Variants in RBM15 observed in about 807,000 individuals in gnomAD.
RBM15 encodes the protein RNA-binding protein 15.
A neutral mutation model predicts 62.6 loss-of-function variants in RBM15; 8 were observed. That is an observed-to-expected ratio of 0.13 (90% CI 0.07 to 0.23). The LOEUF (loss-of-function observed/expected upper bound fraction) is 0.23. Among genes scored for constraint, RBM15 ranks in the 10% least tolerant of loss-of-function variants. The pLI is 1.00. For synonymous variants in RBM15, 606 were observed against 505.7 expected (o/e 1.20, Z -2.66); for missense variants, 1,144 against 1,286.5 (o/e 0.89, Z 1.69).
intron 1 of RBM15, among the ~76,000 whole-genome samples, chr1:110,343,051 G>A (rs539199949): frequency 2.0e-5 from 3 of 152,300 alleles, no homozygotes; most frequent in Admixed American, 2.0e-4. Context: ...TTGGTGTGTG[G>A]TGGTGTTTTT....
intron 1 of RBM15, among the ~76,000 whole-genome samples, chr1:110,343,797 C>T (rs1660847852): frequency 6.6e-6 from 1 of 152,062 alleles, no homozygotes; most frequent in South Asian, 2.1e-4. Context: ...TGGCAGAACC[C>T]AACTGTTTTC....
At chr1:110,344,141 A>G (rs1278459426) in intron 1 of RBM15, among the ~76,000 whole-genome samples, 4 of 152,182 alleles carry the variant, frequency 2.6e-5, no homozygotes, top group Non-Finnish European at 5.9e-5. Context: ...CTTGCTTTCA[A>G]AAAGCTGTGG....
In RBM15 at chr1:110,340,079, C is replaced by T. The variant is rs1660761139; in HGVS notation, c.674C>T (p.Pro225Leu). 1.9e-6 allele frequency: 3 copies of T among 1,613,766 alleles called. No individual in the cohort carries two copies. The highest frequency in any genetic ancestry group is 1.3e-5 in the African/African-American group (1 of 74,912). ...ERVAFVNFRR[P>L]EDARAAKHAR... ...GTAGCCTTTGTGAACTTCCGGCGGC[C>T]AGAGGACGCGCGGGCGGCCAAGCAT... The change falls in exon 1 of 3, where the codon CCA becomes CTA. Residue 225 changes from proline (P) to leucine (L), a missense_variant. By Grantham distance (98) the Pro-to-Leu change is moderately conservative (BLOSUM62 -3). Transcript: ENST00000369784. This position sits in a 1 kb window ranked among gnomAD's most constrained non-coding sequence, Gnocchi z 5.8.
In RBM15 at chr1:110,341,511, C is replaced by T. The variant is rs1660797299; in HGVS notation, c.2106C>T (p.Ile702=). Residue 702 remains isoleucine, a synonymous_variant, in exon 1 of 3, where the codon ATC becomes ATT. Transcript: ENST00000369784. The surrounding 1 kb of genome is among the most constrained non-coding windows in gnomAD (Gnocchi z 4.5). ...SRLLLERPSP[I]RDRRGSLEKS... is the part of the protein sequence containing the mutation. The stretch of plus-strand genomic sequence containing the variant: ...TTCTCTTGGAAAGGCCCTCTCCAAT[C>T]AGAGACAGACGAGGTAGTTTGGAGA... The T allele has an allele frequency of 6.2e-7, 1 of 1,614,104 alleles. No homozygotes were observed. The highest frequency in any genetic ancestry group is 1.3e-5 in the African/African-American group (1 of 75,038).
At position 110,340,449 on chromosome 1, in the gene RBM15, G is replaced by A. The variant is rs778931530; in HGVS notation, c.1044G>A (p.Arg348=). ...RVRPAYSLEP[R]VGAGAGAAPF... ...GCCCTGCATACAGTCTTGAGCCAAG[G>A]GTGGGAGCTGGAGCAGGTGCTGCTC... The change falls in exon 1 of 3, where the codon AGG becomes AGA. Residue 348 remains arginine (R), a synonymous_variant. Transcript: ENST00000369784. This position sits in a 1 kb window ranked among gnomAD's most constrained non-coding sequence, Gnocchi z 5.8. 1.2e-6 allele frequency: 2 copies of A among 1,614,210 alleles called. No homozygotes were observed. Among genetic ancestry groups the A allele is most frequent in the South Asian group, 1.1e-5 (1 of 91,084 alleles).
rs1660719911 is a variant in RBM15 at position 110,339,491 on chromosome 1, G to C, written c.86G>C (p.Arg29Pro). 1.9e-6 allele frequency: 3 copies of C among 1,579,510 alleles called. No individual in the cohort carries two copies. The East Asian group carries it at 6.8e-5, about 36-fold the overall frequency. Residue 29 changes from arginine (R) to proline (P), a missense_variant, in exon 1 of 3, where the codon CGG (arginine) becomes CCG (proline). Physicochemically the swap from Arg to Pro is moderately radical, Grantham distance 103. Around this residue, in one of 8 missense-constraint regions of RBM15, gnomAD observed 298 missense variants for 250.0 expected, o/e 1.19. Coordinates refer to ENST00000369784, the MANE Select transcript of RBM15 (RefSeq NM_022768.5). ...AVPLCETSAG[R>P]RVTQLRGDDL... ...CCGCTGTGTGAAACGAGCGCGGGGC[G>C]GCGGGTTACTCAGCTCCGCGGAGAC...
intron 1 of RBM15, among the ~76,000 whole-genome samples, chr1:110,343,687 T>C (rs1433110192): frequency 6.6e-6 from 1 of 152,132 alleles, no homozygotes; most frequent in Non-Finnish European, 1.5e-5. Flanking sequence ...TGCTGAAGAC[T>C]TCAGCTAAGG....
At chr1:110,345,732 G>C in intron 2 of RBM15, 83 bp downstream of exon 2, 1 of 801,368 alleles carries the variant, frequency 1.2e-6, no homozygotes, top group Admixed American at 2.7e-5. Context: ...TTCCTGAAGT[G>C]TTCTTTGGCT....
At position 110,339,433 on chromosome 1, in the gene RBM15, C is replaced by T. The variant is rs1660716931; in HGVS notation, c.28C>T (p.Pro10Ser). The T allele has an allele frequency of 1.1e-5, 17 of 1,533,042 alleles. No homozygotes were observed. Among genetic ancestry groups the T allele is most frequent in the Non-Finnish European group, 1.4e-5 (16 of 1,137,968 alleles). 95.0% of individuals were successfully genotyped at this position (1,533,042 alleles called of 1,614,324 possible). MRTAGRDPV[P>S]RRSPRWRRAV... ...GAGGACTGCGGGGCGGGACCCTGTG[C>T]CGCGGCGGAGTCCAAGATGGCGGCG... The change falls in exon 1 of 3, where the codon CCG becomes TCG. Residue 10 changes from proline (P) to serine (S), a missense_variant. By Grantham distance (74) the Pro-to-Ser change is moderately conservative. Around this residue, in one of 8 missense-constraint regions of RBM15, gnomAD observed 298 missense variants for 250.0 expected, o/e 1.19. Transcript: ENST00000369784.
At position 110,339,847 on chromosome 1, in the gene RBM15, G is replaced by C; in HGVS notation, c.442G>C (p.Gly148Arg). The change falls in exon 1 of 3, where the codon GGC (glycine) becomes CGC (arginine). Residue 148 changes from glycine (G) to arginine (R), a missense_variant. Gly to Arg is a moderately radical substitution (Grantham distance 125). This residue lies in a region of RBM15 where 298 missense variants were observed against 250.0 expected (regional missense o/e 1.19). Transcript: ENST00000369784. ...ATCGCGCAGCAGCTCCCGGGGTGGA[G>C]GCGGGGAGTCACGTTCCTCTGGGGC... ...GESRSSSRGG[G>R]GESRSSGAAS... 6.3e-7 allele frequency: 1 copy of C among 1,599,676 alleles called. No individual in the cohort carries two copies. Among genetic ancestry groups the C allele is most frequent in the Non-Finnish European group, 8.6e-7 (1 of 1,169,458 alleles).
Position 110,340,795 on chromosome 1 carries a change from C to T in RBM15, c.1390C>T (p.Pro464Ser), listed in dbSNP as rs778229731. The T allele has an allele frequency of 1.0e-4, 168 of 1,614,032 alleles. No homozygotes were observed. The highest frequency in any genetic ancestry group is 1.3e-4 in the Non-Finnish European group (157 of 1,180,030). The change falls in exon 1 of 3, where the codon CCT becomes TCT. Residue 464 changes from proline (P) to serine (S), a missense_variant. Coordinates refer to ENST00000369784, the MANE Select transcript of RBM15 (RefSeq NM_022768.5). This position sits in a 1 kb window ranked among gnomAD's most constrained non-coding sequence, Gnocchi z 5.8. ...TTRLWVGGLG[P>S]WVPLAALARE... ...CCGCCTCTGGGTGGGAGGCCTGGGACCTTGGGTTCCTCTTGCTGCCCTGGC... is the reference window on the plus strand; with the variant it reads ...CCGCCTCTGGGTGGGAGGCCTGGGATCTTGGGTTCCTCTTGCTGCCCTGGC...
rs1379725428 is a variant in RBM15 at position 110,340,772 on chromosome 1, G to A, written c.1367G>A (p.Arg456His). The A allele has an allele frequency of 6.2e-7, 1 of 1,614,064 alleles. No homozygotes were observed. The highest frequency in any genetic ancestry group is 8.5e-7 in the Non-Finnish European group (1 of 1,180,012). The change falls in exon 1 of 3, where the codon CGC (arginine) becomes CAC (histidine). Residue 456 changes from arginine to histidine, a missense_variant. Arg to His is a conservative substitution (Grantham distance 29). Coordinates refer to ENST00000369784, the MANE Select transcript of RBM15 (RefSeq NM_022768.5). This position sits in a 1 kb window ranked among gnomAD's most constrained non-coding sequence, Gnocchi z 5.8. ...TATGGTAAAGCTACACCCACCACCC[G>A]CCTCTGGGTGGGAGGCCTGGGACCT... is the stretch of plus-strand genomic sequence containing the variant. ...IGYGKATPTTRLWVGGLGPWV... is the reference protein window; with the variant it reads ...IGYGKATPTTHLWVGGLGPWV...
Position 110,340,446 on chromosome 1 carries a change from A to T in RBM15, c.1041A>T (p.Pro347=). The T allele has an allele frequency of 1.2e-6, 2 of 1,614,178 alleles. No homozygotes were observed. The highest frequency in any genetic ancestry group is 1.7e-6 in the Non-Finnish European group (2 of 1,180,030). ...ERVRPAYSLE[P]RVGAGAGAAP... is the part of the protein sequence containing the mutation. ...TGCGCCCTGCATACAGTCTTGAGCC[A>T]AGGGTGGGAGCTGGAGCAGGTGCTG... is the stretch of plus-strand genomic sequence containing the variant. Residue 347 remains proline, a synonymous_variant, in exon 1 of 3, where the codon CCA becomes CCT. Coordinates refer to ENST00000369784, the MANE Select transcript of RBM15 (RefSeq NM_022768.5). This position sits in a 1 kb window ranked among gnomAD's most constrained non-coding sequence, Gnocchi z 5.8.
In RBM15 at chr1:110,341,741, C is replaced by T; in HGVS notation, c.2336C>T (p.Ser779Leu). 1 of 1,614,216 alleles carries T rather than the reference C, an allele frequency of 6.2e-7. No individual in the cohort carries two copies. Among genetic ancestry groups the T allele is most frequent in the Non-Finnish European group, 8.5e-7 (1 of 1,180,052 alleles). The stretch of plus-strand genomic sequence containing the variant: ...GATGGGGGGACAGCCCCTGTGGCAT[C>T]AGCCTCTCCCAAACTCTGTTTGGCC... The part of the protein sequence containing the change: ...KQDGGTAPVA[S>L]ASPKLCLAWQ... Residue 779 changes from serine to leucine, a missense_variant, in exon 1 of 3, where the codon TCA becomes TTA. Ser to Leu is a moderately radical substitution (Grantham distance 145). This residue lies in a region of RBM15 where 360 missense variants were observed against 342.9 expected (regional missense o/e 1.05). Transcript: ENST00000369784. The surrounding 1 kb of genome is among the most constrained non-coding windows in gnomAD (Gnocchi z 4.5).
Position 110,341,263 on chromosome 1 carries a change from G to A in RBM15, c.1858G>A (p.Gly620Ser). The A allele has an allele frequency of 6.2e-7, 1 of 1,614,126 alleles. No homozygotes were observed. Among genetic ancestry groups the A allele is most frequent in the Non-Finnish European group, 8.5e-7 (1 of 1,180,028 alleles). Reference protein sequence around the residue: ...PLDSLDRRRDGWSLDRDRGDR... With the variant: ...PLDSLDRRRDSWSLDRDRGDR... Reference sequence around the variant, plus strand: ...GGATAGCCTAGATCGCAGGCGGGATGGTTGGTCCTTGGACCGGGACAGAGG... The same window carrying A: ...GGATAGCCTAGATCGCAGGCGGGATAGTTGGTCCTTGGACCGGGACAGAGG... Residue 620 changes from glycine (G) to serine (S), a missense_variant, in exon 1 of 3, where the codon GGT becomes AGT. By Grantham distance (56) the Gly-to-Ser change is moderately conservative. Transcript: ENST00000369784. The surrounding 1 kb of genome is among the most constrained non-coding windows in gnomAD (Gnocchi z 4.5).
Position 110,340,986 on chromosome 1 carries a change from C to T in RBM15, c.1581C>T (p.Ala527=), listed in dbSNP as rs906171809. 3.1e-6 allele frequency: 5 copies of T among 1,614,038 alleles called. No homozygotes were observed. Among genetic ancestry groups the T allele is most frequent in the African/African-American group, 2.7e-5 (2 of 74,936 alleles). ...GPDRRLRVDF[A]DTEHRYQQQY... The stretch of plus-strand genomic sequence containing the variant: ...ATCGACGCCTTAGAGTAGACTTTGC[C>T]GACACCGAACATCGTTACCAGCAGC... Residue 527 remains alanine, a synonymous_variant, in exon 1 of 3, where the codon GCC becomes GCT. Coordinates refer to ENST00000369784, the MANE Select transcript of RBM15 (RefSeq NM_022768.5). The surrounding 1 kb of genome is among the most constrained non-coding windows in gnomAD (Gnocchi z 5.8).
Position 110,341,778 on chromosome 1 carries a change from G to C in RBM15, c.2373G>C (p.Met791Ile), listed in dbSNP as rs767879552. Reference protein sequence around the residue: ...SPKLCLAWQGMLLLKNSNFPS... With the variant: ...SPKLCLAWQGILLLKNSNFPS... ...AACTCTGTTTGGCCTGGCAGGGCAT[G>C]CTTCTACTGAAGAACAGCAACTTTC... Residue 791 changes from methionine to isoleucine, a missense_variant, in exon 1 of 3, where the codon ATG (methionine) becomes ATC (isoleucine). Physicochemically the swap from Met to Ile is conservative, Grantham distance 10. Transcript: ENST00000369784. This position sits in a 1 kb window ranked among gnomAD's most constrained non-coding sequence, Gnocchi z 4.5. 1 of 1,614,094 alleles carries C rather than the reference G, an allele frequency of 6.2e-7. No homozygotes were observed. The highest frequency in any genetic ancestry group is 2.2e-5 in the East Asian group (1 of 44,890).
chr1:110,346,410 G>A lies in RBM15; in HGVS notation c.*143G>A. 5 of 1,476,778 alleles carry A rather than the reference G, an allele frequency of 3.4e-6. No homozygotes were observed. In the South Asian group the frequency reaches 4.5e-5, roughly 13 times the overall value. 91.5% of individuals were successfully genotyped at this position (1,476,778 alleles called of 1,614,324 possible). ...TGTGGAGTTTACATGGGCCTCTGAT[G>A]GAAGAAAGCTAATCTGTTTAGTATT... On this transcript the variant is annotated 3_prime_UTR_variant, in exon 3 of 3. Coordinates refer to ENST00000369784, the MANE Select transcript of RBM15 (RefSeq NM_022768.5).
rs921241715 is a variant in RBM15 at position 110,345,583 on chromosome 1, G to A, written c.2908G>A (p.Glu970Lys). ...IGVRYENKKR[E>K]NLALTLL The stretch of plus-strand genomic sequence containing the variant: ...AGTTAGGTATGAGAACAAGAAGAGA[G>A]AAAACTTGGCGCTGACCCTGTTATA... The change falls in exon 2 of 3, where the codon GAA becomes AAA. Residue 970 changes from glutamate to lysine, a missense_variant. Physicochemically the swap from Glu to Lys is moderately conservative, Grantham distance 56. Transcript: ENST00000369784. 1 of 1,612,230 alleles carries A rather than the reference G, an allele frequency of 6.2e-7. No individual in the cohort carries two copies. The highest frequency in any genetic ancestry group is 1.3e-5 in the African/African-American group (1 of 74,898).
Sources: allele counts gnomAD v4.1 joint callset (sites outside exome capture counted in the v4.1 genomes callset), GRCh38; gene constraint gnomAD v4.1.1; regional missense constraint gnomAD v4.1.1; non-coding constraint Gnocchi (gnomAD v3.1); transcripts MANE v1.5; gene names NCBI Gene and HGNC (gene_info 2026-07-23, HGNC 2026-07-21).